ATP6V0A2: variants seen among roughly 807,000 people sequenced by gnomAD.
The protein encoded by ATP6V0A2 is V-type proton ATPase 116 kDa subunit a 2.
ATP6V0A2 carries 58 observed loss-of-function variants against 104.4 expected under a neutral mutation model. The observed-to-expected ratio is 0.56, with a 90% CI of 0.45 to 0.69. The LOEUF (loss-of-function observed/expected upper bound fraction) is 0.69, where lower values mean the gene tolerates loss of function less well. ATP6V0A2 is among the 30% of genes least tolerant of loss of function. The pLI is 0.00. For synonymous variants in ATP6V0A2, 376 were observed against 397.9 expected (o/e 0.95, Z 0.65); for missense variants, 938 against 1,062.9 (o/e 0.88, Z 1.63).
At chr12:123,750,168 C>T (rs1405515514) in intron 15 of ATP6V0A2, 8 of 152,246 alleles carry the variant, frequency 5.3e-5, no homozygotes, top group Admixed American at 5.2e-4. Context: ...CCTTTCTTTA[C>T]TACCTGCCGC....
At chr12:123,724,366 A>G (rs1324252186) in intron 3 of ATP6V0A2, 10 of 271,374 alleles carry the variant, frequency 3.7e-5, no homozygotes, top group South Asian at 1.8e-4. Flanking sequence ...TCTACTAACA[A>G]TACAAAAAAA....
At chr12:123,740,190 GTC>G (rs1177760922) in intron 9 of ATP6V0A2, among the ~76,000 whole-genome samples, 4 of 140,226 alleles carry the variant, frequency 2.9e-5, no homozygotes, top group Non-Finnish European at 4.6e-5. Context: ...TTTACAGAAT[GTC>G]TCTCTCTCTC....
chr12:123,712,945 G>GGA (rs1341769139), intron 1 of ATP6V0A2, among the ~76,000 whole-genome samples: 1 of 152,126 alleles, frequency 6.6e-6, no homozygotes, highest in Non-Finnish European at 1.5e-5. Flanking sequence ...ATCAGCTCCG[G>GGA]GCACCGAGCT....
In ATP6V0A2 at chr12:123,759,460, G is replaced by T. The variant is rs1258941200; in HGVS notation, c.*1428G>T. ...TTTAAATTCATCTGTTTGACATTTG[G>T]TTTTTTGTGAACTTGAGTCAGTCCT... On this transcript the variant is annotated 3_prime_UTR_variant, in exon 20 of 20. Coordinates refer to ENST00000330342, the MANE Select transcript of ATP6V0A2 (RefSeq NM_012463.4). 2 of 152,086 alleles carry T rather than the reference G, an allele frequency of 1.3e-5. No homozygotes were observed. The highest frequency in any genetic ancestry group is 2.9e-5 in the Non-Finnish European group (2 of 67,992). 9.4% of individuals were successfully genotyped at this position (152,086 alleles called of 1,614,324 possible). A position where few individuals can be genotyped will look rare whatever the true frequency, so the allele number is the denominator to read the frequency against.
Position 123,751,115 on chromosome 12 carries a change from T to C in ATP6V0A2, c.1941T>C (p.Tyr647=), listed in dbSNP as rs1048939998. Residue 647 remains tyrosine, a synonymous_variant, in exon 16 of 20, where the codon TAT becomes TAC. Transcript: ENST00000330342. ...CTCACCTTCTGCACTAACAGGAGTA[T>C]GTCCAGAGAGTGCTGCTGGTTGTCA... ...KTSGLYTGQE[Y]VQRVLLVVTA... The C allele has an allele frequency of 3.5e-5, 57 of 1,614,068 alleles. No homozygotes were observed. The highest frequency in any genetic ancestry group is 4.4e-5 in the Non-Finnish European group (52 of 1,180,038).
intron 15 of ATP6V0A2, chr12:123,750,607 G>A (rs1261326958): frequency 4.9e-6 from 1 of 205,416 alleles, no homozygotes; most frequent in Non-Finnish European, 1.0e-5. Context: ...TTAGCTTTAA[G>A]TAACTATAAA....
At chr12:123,731,130 T>C (rs1311651604) in intron 6 of ATP6V0A2, 2 of 152,224 alleles carry the variant, frequency 1.3e-5, no homozygotes, top group South Asian at 2.1e-4. Flanking sequence ...AGAAAATGCA[T>C]GTCCATTATA....
intron 14 of ATP6V0A2, 23 bp downstream of exon 14, chr12:123,747,748 G>C (rs1956676073): frequency 6.7e-7 from 1 of 1,493,242 alleles, no homozygotes; most frequent in Non-Finnish European, 9.3e-7. Flanking sequence ...TTTTTTTTAA[G>C]CAATATTTAT....
intron 1 of ATP6V0A2, among the ~76,000 whole-genome samples, chr12:123,717,620 T>C (rs927293930): frequency 5.1e-4 from 77 of 151,982 alleles, no homozygotes; most frequent in African/African-American, 1.8e-3. Flanking sequence ...AATTTTTTAT[T>C]TTTTGGAGAG....
chr12:123,750,773 C>T (rs1956706748), intron 15 of ATP6V0A2: 1 of 349,348 alleles, frequency 2.9e-6, no homozygotes, highest in Admixed American at 4.0e-5. Context: ...CAAGAATATA[C>T]AAAATATTCT....
intron 9 of ATP6V0A2, 82 bp from the exon 10 acceptor site, chr12:123,743,703 G>T: frequency 6.5e-7 from 1 of 1,526,776 alleles, no homozygotes. Flanking sequence ...AAAAAACAAA[G>T]CAGTAACCCA....
chr12:123,757,085 A>C, intron 19 of ATP6V0A2, 99 bp downstream of exon 19: 6 of 1,303,412 alleles, frequency 4.6e-6, no homozygotes, highest in Non-Finnish European at 6.6e-6. Flanking sequence ...GCAAAATCTA[A>C]TGCTGAATTT....
intron 7 of ATP6V0A2, 112 bp from the exon 8 acceptor site, chr12:123,735,419 T>A: frequency 1.1e-6 from 1 of 950,120 alleles, no homozygotes; most frequent in Non-Finnish European, 1.7e-6. Context: ...TGCACCCGTG[T>A]CTCCCAAACG....
At chr12:123,738,420 ATTTTCTTTTTTTTGTGAACTATC>A (rs1956577666) in intron 9 of ATP6V0A2, among the ~76,000 whole-genome samples, 4 of 151,714 alleles carry the variant, frequency 2.6e-5, no homozygotes, top group Admixed American at 2.0e-4. Context: ...AGCGTTTTCA[ATTTTCTTTTTTTTGTGAACTATC>A]TGTTCATATT....
At chr12:123,728,451 T>C (rs557257407) in intron 6 of ATP6V0A2, among the ~76,000 whole-genome samples, 86 of 150,342 alleles carry the variant, frequency 5.7e-4, no homozygotes, top group African/African-American at 2.1e-3. Context: ...ATCTTAACTA[T>C]GCTGCCCAGA....
At chr12:123,712,712 A>G (rs1956304936) in intron 1 of ATP6V0A2, 30 bp downstream of exon 1, 1 of 1,573,226 alleles carries the variant, frequency 6.4e-7, no homozygotes, top group Non-Finnish European at 8.7e-7. Flanking sequence ...CGCGGGCCGC[A>G]CCTGCTCTCC....
intron 5 of ATP6V0A2, among the ~76,000 whole-genome samples, chr12:123,727,136 T>G (rs1041453979): frequency 6.6e-6 from 1 of 151,580 alleles, no homozygotes; most frequent in African/African-American, 2.4e-5. Context: ...GCTGGAGAGG[T>G]GAGTCAGTTG....
chr12:123,760,147 G>A lies in ATP6V0A2; in HGVS notation c.*2115G>A, dbSNP rs1472362592. 6.6e-6 allele frequency: 1 copy of A among 151,928 alleles called. No individual in the cohort carries two copies. Among genetic ancestry groups the A allele is most frequent in the Admixed American group, 6.6e-5 (1 of 15,260 alleles). The allele number at this position is 151,928 out of a possible 1,614,324, so 9.4% of individuals were successfully genotyped here. On this transcript the variant is annotated 3_prime_UTR_variant, in exon 20 of 20. Transcript: ENST00000330342. The stretch of plus-strand genomic sequence containing the variant: ...CACTGTTAGCTGATTGGTAAATAAG[G>A]GACACGATATTCACGGGAATTGTTT...
intron 1 of ATP6V0A2, among the ~76,000 whole-genome samples, chr12:123,714,617 A>G (rs1269519659): frequency 6.6e-6 from 1 of 152,170 alleles, no homozygotes; most frequent in African/African-American, 2.4e-5. Flanking sequence ...AATGGCTGTG[A>G]ATATCAAAAC....
Sources: allele counts gnomAD v4.1 joint callset (sites outside exome capture counted in the v4.1 genomes callset), GRCh38; gene constraint gnomAD v4.1.1; transcripts MANE v1.5; gene names NCBI Gene and HGNC (gene_info 2026-07-23, HGNC 2026-07-21).